Variants in DPP10 observed in about 807,000 individuals in gnomAD.
DPP10 encodes the protein dipeptidyl peptidase like 10.
A neutral mutation model predicts 120.9 loss-of-function variants in DPP10; 33 were observed. The observed-to-expected ratio is 0.27, with a 90% confidence interval of 0.21 to 0.37. The LOEUF is 0.37. Among genes scored for constraint, DPP10 ranks in the 10% least tolerant of loss-of-function variants. The pLI is 1.00. For missense variants in DPP10, 816 were observed against 942.8 expected, an observed-to-expected ratio of 0.87 and a Z score of 1.76; for synonymous variants, 337 against 326.1, an observed-to-expected ratio of 1.03 and a Z score of -0.36.
chr2:114,689,545 T>C (rs1699599517), intron 1 of DPP10, among the ~76,000 whole-genome samples: 1 of 152,016 alleles, frequency 6.6e-6, no homozygotes, highest in African/African-American at 2.4e-5. Flanking sequence ...AATGAACATA[T>C]GTGTACATAC....
chr2:115,315,065 G>T (rs2106061562), intron 2 of DPP10, among the ~76,000 whole-genome samples: 1 of 152,170 alleles, frequency 6.6e-6, no homozygotes, highest in South Asian at 2.1e-4. Flanking sequence ...AGAAAGTATA[G>T]TAGATAGAGT....
At chr2:115,096,057 G>A (rs1709717218) in intron 1 of DPP10, among the ~76,000 whole-genome samples, 1 of 151,958 alleles carries the variant, frequency 6.6e-6, no homozygotes, top group African/African-American at 2.4e-5. Flanking sequence ...AATATCTAAA[G>A]TATAAAATTA....
At chr2:115,576,987 G>A (rs920729954) in intron 5 of DPP10, among the ~76,000 whole-genome samples, 1 of 152,138 alleles carries the variant, frequency 6.6e-6, no homozygotes, top group African/African-American at 2.4e-5. Flanking sequence ...GCCACTGAAA[G>A]GCAAGAAAAA....
intron 1 of DPP10, among the ~76,000 whole-genome samples, chr2:114,864,394 T>G (rs1304779310): frequency 6.6e-6 from 1 of 152,142 alleles, no homozygotes; most frequent in Non-Finnish European, 1.5e-5. Flanking sequence ...GAGACAACAA[T>G]ATTAACAGCT....
chr2:114,482,895 C>A (rs1249469628), intron 1 of DPP10, among the ~76,000 whole-genome samples: 11 of 152,176 alleles, frequency 7.2e-5, no homozygotes, highest in Non-Finnish European at 1.3e-4. Flanking sequence ...CAAGTTCACT[C>A]CTTGAGTAAG....
intron 1 of DPP10, among the ~76,000 whole-genome samples, chr2:114,682,766 G>A (rs550025802): frequency 0.041 from 5,705 of 140,532 alleles, 174 homozygotes; most frequent in South Asian, 0.058. Context: ...CTATCTATCT[G>A]TCTGTCTATC....
chr2:114,861,165 T>G (rs189753876), intron 1 of DPP10, among the ~76,000 whole-genome samples: 3 of 152,342 alleles, frequency 2.0e-5, no homozygotes, highest in Admixed American at 2.0e-4. Context: ...CACTCGTTGC[T>G]TCAGTCCTGG....
At chr2:114,987,835 G>A (rs941900832) in intron 1 of DPP10, among the ~76,000 whole-genome samples, 5 of 13,166 alleles carry the variant, frequency 3.8e-4, no homozygotes, top group Non-Finnish European at 8.2e-4. Flanking sequence ...ATGGAGTCTC[G>A]CTCTGTCGCC....
Position 115,339,261 on chromosome 2 carries a change from A to T in DPP10, c.176-4556A>T, listed in dbSNP as rs915278627. Among the ~76,000 whole-genome samples, 3 of 152,216 alleles carry T rather than the reference A, an allele frequency of 2.0e-5. 1 individual carries two copies. The highest frequency in any genetic ancestry group is 7.2e-5 in the African/African-American group (3 of 41,460). On this transcript the variant is annotated intron_variant, in intron 2 of 25. Coordinates refer to ENST00000410059, the MANE Select transcript of DPP10 (RefSeq NM_020868.6). ...GAAATGCAAATTAAACCACAAGGGGATATCACTACACGTATATAAGAATAG... is the reference window on the plus strand; with the variant it reads ...GAAATGCAAATTAAACCACAAGGGGTTATCACTACACGTATATAAGAATAG...
At chr2:115,743,125 G>A (rs1191259354) in intron 9 of DPP10, among the ~76,000 whole-genome samples, 1 of 151,624 alleles carries the variant, frequency 6.6e-6, no homozygotes, top group Non-Finnish European at 1.5e-5. Flanking sequence ...AGTCTTCATG[G>A]CAAATGTAAC....
intron 7 of DPP10, among the ~76,000 whole-genome samples, chr2:115,701,700 T>G (rs889373112): frequency 1.3e-5 from 2 of 152,042 alleles, no homozygotes; most frequent in African/African-American, 4.8e-5. Flanking sequence ...ATCACTTATC[T>G]AAGAAGAGGT....
intron 1 of DPP10, among the ~76,000 whole-genome samples, chr2:114,629,917 C>A (rs1331039446): frequency 6.6e-6 from 1 of 151,882 alleles, no homozygotes; most frequent in East Asian, 1.9e-4. Flanking sequence ...TATGAGATAG[C>A]CATGAAAATC....
intron 1 of DPP10, among the ~76,000 whole-genome samples, chr2:115,189,215 C>T (rs1305076665): frequency 6.6e-6 from 1 of 152,190 alleles, no homozygotes; most frequent in Non-Finnish European, 1.5e-5. Context: ...CTGTGTCATT[C>T]CCCTGTTGTC....
chr2:115,306,653 T>A lies in DPP10; in HGVS notation c.61-2586T>A, dbSNP rs139638106. 7.2e-5 allele frequency among the ~76,000 whole-genome samples: 11 copies of A among 152,252 alleles called. No individual in the cohort carries two copies. In the East Asian group the frequency reaches 2.1e-3, roughly 29 times the overall value. ...TATATTACATTCATTAAGTCAGCAG[T>A]TCTCAAATAGGGACTTGTATATGCC... On this transcript the variant is annotated intron_variant, in intron 1 of 25. Coordinates refer to ENST00000410059, the MANE Select transcript of DPP10 (RefSeq NM_020868.6).
At chr2:115,040,361 C>T (rs1331979495) in intron 1 of DPP10, among the ~76,000 whole-genome samples, 1 of 151,972 alleles carries the variant, frequency 6.6e-6, no homozygotes, top group Non-Finnish European at 1.5e-5. Flanking sequence ...TAGTCACACA[C>T]TCATATGTAC....
At position 114,651,331 on chromosome 2, in the gene DPP10, C is replaced by T. The variant is rs531186328; in HGVS notation, c.60+208493C>T. 1.3e-3 allele frequency among the ~76,000 whole-genome samples: 191 copies of T among 152,262 alleles called. 1 individual carries two copies. The highest frequency in any genetic ancestry group is 4.5e-3 in the African/African-American group (189 of 41,550). ...GCATTACTCCAGGGTAAGCGCCAGACTTCCTCATTTTTCTACCTTTCATGG... is the reference window on the plus strand; with the variant it reads ...GCATTACTCCAGGGTAAGCGCCAGATTTCCTCATTTTTCTACCTTTCATGG... On this transcript the variant is annotated intron_variant, in intron 1 of 25. Transcript: ENST00000410059.
chr2:115,167,599 C>T (rs1350400598), intron 1 of DPP10, among the ~76,000 whole-genome samples: 5 of 131,770 alleles, frequency 3.8e-5, no homozygotes, highest in Admixed American at 1.6e-4. Context: ...AGAACGAGAC[C>T]GTCTCAAAAA....
intron 1 of DPP10, among the ~76,000 whole-genome samples, chr2:114,599,589 T>C (rs1692201448): frequency 6.6e-6 from 1 of 151,864 alleles, no homozygotes; most frequent in East Asian, 1.9e-4. Flanking sequence ...TTAAATATAC[T>C]AAGTATACCA....
At chr2:114,913,293 G>A (rs1410590534) in intron 1 of DPP10, among the ~76,000 whole-genome samples, 1 of 152,044 alleles carries the variant, frequency 6.6e-6, no homozygotes, top group Non-Finnish European at 1.5e-5. Flanking sequence ...CATGCACATG[G>A]GTCCTGCCAT....
Sources: gnomAD v4.1 joint callset for allele counts (sites outside exome capture counted in the v4.1 genomes callset) on GRCh38, gnomAD v4.1.1 for gene constraint, MANE v1.5 for transcripts, NCBI Gene and HGNC (gene_info 2026-07-23, HGNC 2026-07-21) for gene names.